The following LVRN variants were observed in gnomAD, a reference collection of about 807,000 sequenced individuals.
The protein encoded by LVRN is aminopeptidase Q.
LVRN carries 99 observed loss-of-function variants against 111.4 expected under a neutral mutation model. The ratio of observed to expected loss-of-function variants is 0.89; its 90% CI spans 0.76 to 1.05. The LOEUF is 1.05. Among genes scored for constraint, LVRN ranks in the 50% least tolerant of loss-of-function variants. The pLI is 0.00. For missense variants in LVRN, 1,414 were observed against 1,206.8 expected, an observed-to-expected ratio of 1.17 and a Z score of -2.54; for synonymous variants, 488 against 449.5, an observed-to-expected ratio of 1.09 and a Z score of -1.08.
At chr5:115,985,914 C>A (rs1747848387) in intron 3 of LVRN, among the ~76,000 whole-genome samples, 1 of 152,218 alleles carries the variant, frequency 6.6e-6, no homozygotes, top group African/African-American at 2.4e-5. Context: ...ACATACTCTC[C>A]TGGGCCCAAG....
chr5:116,012,340 A>C, intron 14 of LVRN, 34 bp from the exon 15 acceptor site: 1 of 1,183,166 alleles, frequency 8.5e-7, no homozygotes, highest in South Asian at 1.3e-5. Context: ...TTTGCAAGCC[A>C]GAACTAACAG....
intron 6 of LVRN, among the ~76,000 whole-genome samples, chr5:115,994,543 G>C (rs1372623550): frequency 6.6e-6 from 1 of 152,180 alleles, no homozygotes; most frequent in Non-Finnish European, 1.5e-5. Context: ...AAAGTGCTGG[G>C]ATTACAGGCG....
Position 116,022,419 on chromosome 5 carries a change from A to G in LVRN, c.2785A>G (p.Ile929Val), listed in dbSNP as rs201401086. The G allele has an allele frequency of 5.7e-6, 9 of 1,574,354 alleles. No individual in the cohort carries two copies. The highest frequency in any genetic ancestry group is 3.5e-5 in the Admixed American group (2 of 56,380). The change falls in exon 19 of 20, where the codon ATA becomes GTA. Residue 929 changes from isoleucine (I) to valine (V), a missense_variant. Physicochemically the swap from Ile to Val is conservative, Grantham distance 29. Coordinates refer to ENST00000357872, the MANE Select transcript of LVRN (RefSeq NM_173800.5). ...TGGAACACAATCATTGATTAATCTA[A>G]TATATACAATAGGGAGAACCGTAAC... ...RYGTQSLINLIYTIGRTVTTD... is the reference protein window; with the variant it reads ...RYGTQSLINLVYTIGRTVTTD...
intron 2 of LVRN, among the ~76,000 whole-genome samples, chr5:115,984,319 A>G (rs1276770738): frequency 5.3e-5 from 8 of 152,150 alleles, no homozygotes; most frequent in African/African-American, 1.9e-4. Flanking sequence ...GGCTAAGTTT[A>G]TAGTGCTCGT....
At chr5:116,016,734 C>A (rs1748608376) in intron 18 of LVRN, among the ~76,000 whole-genome samples, 1 of 152,132 alleles carries the variant, frequency 6.6e-6, no homozygotes, top group Non-Finnish European at 1.5e-5. Flanking sequence ...AGGTATAGTT[C>A]TTCCAAACTC....
chr5:115,978,253 T>A (rs905372141), intron 1 of LVRN, among the ~76,000 whole-genome samples: 1 of 152,146 alleles, frequency 6.6e-6, no homozygotes, highest in African/African-American at 2.4e-5. Context: ...CAGAGGAAAA[T>A]GTCATTTCAT....
At chr5:115,974,894 C>T in intron 1 of LVRN, 1 of 459,498 alleles carries the variant, frequency 2.2e-6, no homozygotes. Flanking sequence ...TTCTGTATCA[C>T]CATGCAGAGA....
At chr5:116,023,747 TA>T (rs1223640220) in intron 19 of LVRN, 1 of 152,126 alleles carries the variant, frequency 6.6e-6, no homozygotes, top group African/African-American at 2.4e-5. Context: ...CCCAGTAGCA[TA>T]GGTAAAATTA....
rs753322880 is a variant in LVRN, at chr5:115,963,059, A to G, written c.442A>G (p.Ser148Gly). 6 of 1,613,294 alleles carry G rather than the reference A, an allele frequency of 3.7e-6. No individual in the cohort carries two copies. Among genetic ancestry groups the G allele is most frequent in the Non-Finnish European group, 5.1e-6 (6 of 1,179,878 alleles). ...GGCCACCTCTCGACTGCTGCTGCAT[A>G]GCCTCTTCCAGGACTGCGAGCGCGC... The part of the protein sequence containing the change: ...TVATSRLLLH[S>G]LFQDCERAEV... The change falls in exon 1 of 20, where the codon AGC becomes GGC. Residue 148 changes from serine to glycine, a missense_variant. Ser to Gly is a moderately conservative substitution (Grantham distance 56, BLOSUM62 0). Transcript: ENST00000357872.
chr5:116,012,568 G>A (rs572992439), intron 15 of LVRN, 100 bp downstream of exon 15: 1 of 719,774 alleles, frequency 1.4e-6, no homozygotes, highest in African/African-American at 1.9e-5. Context: ...TATTCATTGA[G>A]AGATTTTATA....
Position 116,015,385 on chromosome 5 carries a change from A to G in LVRN, c.2584A>G (p.Met862Val), listed in dbSNP as rs912734838. 5.6e-6 allele frequency: 9 copies of G among 1,603,786 alleles called. No individual in the cohort carries two copies. In the South Asian group the frequency reaches 9.0e-5, roughly 16 times the overall value. ...AGAAAAGATTCAACTTGCTTATGCA[A>G]TGAGCTGCAGCAAAGACCCATGGAT... ...KEEKIQLAYA[M>V]SCSKDPWILN... is the part of the protein sequence containing the mutation. Residue 862 changes from methionine to valine, a missense_variant, in exon 17 of 20, where the codon ATG becomes GTG. Coordinates refer to ENST00000357872, the MANE Select transcript of LVRN (RefSeq NM_173800.5).
chr5:116,015,579 C>G (rs954259054), intron 17 of LVRN, 49 bp from the exon 18 acceptor site: 3 of 1,566,846 alleles, frequency 1.9e-6, no homozygotes, highest in South Asian at 1.2e-5. Flanking sequence ...TAAATTAACT[C>G]TTTATGTTGG....
intron 1 of LVRN, among the ~76,000 whole-genome samples, chr5:115,969,377 A>G (rs1580374761): frequency 6.6e-6 from 1 of 150,780 alleles, no homozygotes; most frequent in African/African-American, 2.4e-5. Flanking sequence ...ATTGTTTTTT[A>G]GTATGTTTTC....
intron 3 of LVRN, among the ~76,000 whole-genome samples, chr5:115,985,856 C>T (rs1747847052): frequency 6.6e-6 from 1 of 152,208 alleles, no homozygotes; most frequent in African/African-American, 2.4e-5. Flanking sequence ...TCTTTCTAGA[C>T]ACGTAGACTT....
At chr5:115,992,312 A>C (rs752026649) in intron 5 of LVRN, 35 bp downstream of exon 5, 2 of 1,611,912 alleles carry the variant, frequency 1.2e-6, no homozygotes, top group Non-Finnish European at 1.7e-6. Context: ...TTTCACTTGA[A>C]GTTATTCTCC....
At chr5:116,019,385 C>T (rs1340169465) in intron 18 of LVRN, among the ~76,000 whole-genome samples, 1 of 152,070 alleles carries the variant, frequency 6.6e-6, no homozygotes, top group East Asian at 1.9e-4. Flanking sequence ...CATAGCTGTA[C>T]TATAATTGAT....
intron 18 of LVRN, among the ~76,000 whole-genome samples, chr5:116,018,018 T>C (rs1316506764): frequency 6.6e-6 from 1 of 152,056 alleles, no homozygotes; most frequent in Non-Finnish European, 1.5e-5. Context: ...CCCAGCACTT[T>C]GGGAGGCCAA....
chr5:116,005,708 A>G (rs1050510587), intron 12 of LVRN: 50 of 641,156 alleles, frequency 7.8e-5, no homozygotes, highest in African/African-American at 7.2e-4. Flanking sequence ...ATTGATGTCC[A>G]GAGGGTTCAT....
At chr5:115,975,174 C>A (rs1753414748) in intron 1 of LVRN, 6 of 468,370 alleles carry the variant, frequency 1.3e-5, no homozygotes, top group South Asian at 1.0e-4. Flanking sequence ...GTTGCCTGGT[C>A]ATAATATTCT....
Sources: gnomAD v4.1 joint callset for allele counts (sites outside exome capture counted in the v4.1 genomes callset) on GRCh38, gnomAD v4.1.1 for gene constraint, MANE v1.5 for transcripts, NCBI Gene and HGNC (gene_info 2026-07-23, HGNC 2026-07-21) for gene names.